The following PCDH9 variants were observed in gnomAD, a reference collection of about 807,000 sequenced individuals.
The protein encoded by PCDH9 is protocadherin-9.
PCDH9 carries 24 observed loss-of-function variants against 70.6 expected under a neutral mutation model. The observed-to-expected ratio is 0.34, with a 90% confidence interval of 0.25 to 0.48. PCDH9 has a LOEUF of 0.48. PCDH9 is among the 20% of genes least tolerant of loss of function. The pLI is 0.99. For synonymous variants in PCDH9, 562 were observed against 558.5 expected, an observed-to-expected ratio of 1.01 and a Z score of -0.09; for missense variants, 1,281 against 1,503.6, an observed-to-expected ratio of 0.85 and a Z score of 2.45.
intron 2 of PCDH9, among the ~76,000 whole-genome samples, chr13:67,176,924 A>G (rs958084056): frequency 6.6e-6 from 1 of 152,122 alleles, no homozygotes; most frequent in Non-Finnish European, 1.5e-5. Context: ...CTGTTGGGTA[A>G]GAAAGACAGT....
intron 2 of PCDH9, among the ~76,000 whole-genome samples, chr13:67,049,378 A>C (rs770826699): frequency 2.6e-5 from 4 of 152,220 alleles, no homozygotes; most frequent in Admixed American, 6.5e-5. Context: ...CTGCTATATA[A>C]TATTTCACAC....
At chr13:66,782,844 C>T (rs1226134724) in intron 3 of PCDH9, 3 of 152,220 alleles carry the variant, frequency 2.0e-5, no homozygotes, top group Admixed American at 6.6e-5. Context: ...AATAAGCTTG[C>T]TTTTCTGTCA....
intron 4 of PCDH9, among the ~76,000 whole-genome samples, chr13:66,337,171 C>T (rs1001690980): frequency 6.6e-6 from 1 of 151,662 alleles, no homozygotes; most frequent in African/African-American, 2.4e-5. Context: ...GGTATATTCC[C>T]AATATCAAAT....
intron 4 of PCDH9, among the ~76,000 whole-genome samples, chr13:66,551,512 C>T (rs967502762): frequency 2.0e-5 from 3 of 152,232 alleles, no homozygotes; most frequent in Non-Finnish European, 4.4e-5. Context: ...AAATTTAAGT[C>T]ACAGTCATGG....
At chr13:66,307,085 T>A (rs1955481672) in intron 4 of PCDH9, among the ~76,000 whole-genome samples, 1 of 152,082 alleles carries the variant, frequency 6.6e-6, no homozygotes, top group Admixed American at 6.6e-5. Flanking sequence ...CAATTCATGC[T>A]TCATATGCAC....
At chr13:66,816,670 C>T (rs1437262859) in intron 3 of PCDH9, among the ~76,000 whole-genome samples, 1 of 152,078 alleles carries the variant, frequency 6.6e-6, no homozygotes, top group African/African-American at 2.4e-5. Flanking sequence ...CACCTCTAAT[C>T]TCAGCACTTT....
At chr13:66,804,240 A>G (rs1339718535) in intron 3 of PCDH9, among the ~76,000 whole-genome samples, 4 of 152,190 alleles carry the variant, frequency 2.6e-5, no homozygotes, top group African/African-American at 9.6e-5. Context: ...ATTCAGCTGT[A>G]AACTCATCCC....
At position 66,725,914 on chromosome 13, in the gene PCDH9, T is replaced by C. The variant is rs1426226666; in HGVS notation, c.3139-94503A>G. ...CACTTTTCTACAGCCTGTAGAGTTG[T>C]AAAGTAGCCTAATATTAGGTTGGTG... On this transcript the variant is annotated intron_variant, in intron 3 of 4. Coordinates refer to ENST00000377865, the MANE Select transcript of PCDH9 (RefSeq NM_203487.3). 4.6e-5 allele frequency among the ~76,000 whole-genome samples: 7 copies of C among 152,218 alleles called. No homozygotes were observed. The East Asian group carries it at 1.2e-3, about 25-fold the overall frequency.
chr13:66,881,332 C>T (rs1438900713), intron 3 of PCDH9, among the ~76,000 whole-genome samples: 1 of 152,190 alleles, frequency 6.6e-6, no homozygotes, highest in Admixed American at 6.5e-5. Flanking sequence ...ACAATCATGG[C>T]AGAAGGCAAG....
intron 2 of PCDH9, among the ~76,000 whole-genome samples, chr13:66,910,372 TGA>T (rs1491224473): frequency 5.3e-5 from 8 of 152,078 alleles, no homozygotes; most frequent in African/African-American, 1.9e-4. Flanking sequence ...GTGAAATTAA[TGA>T]TAAGATATAT....
chr13:66,394,036 AT>A (rs1957063782), intron 4 of PCDH9, among the ~76,000 whole-genome samples: 1 of 152,142 alleles, frequency 6.6e-6, no homozygotes, highest in Admixed American at 6.5e-5. Context: ...GGAAAATACT[AT>A]TTCATTTTTT....
At chr13:66,403,067 A>G (rs944151220) in intron 4 of PCDH9, among the ~76,000 whole-genome samples, 1 of 150,524 alleles carries the variant, frequency 6.6e-6, no homozygotes, top group Non-Finnish European at 1.5e-5. Flanking sequence ...AGACAGGAGA[A>G]TTATTGGTAA....
intron 2 of PCDH9, among the ~76,000 whole-genome samples, chr13:67,046,545 T>C (rs1471333414): frequency 1.3e-5 from 2 of 152,162 alleles, no homozygotes; most frequent in Non-Finnish European, 2.9e-5. Context: ...CTTTGCTATA[T>C]GTTTTAGCGT....
At chr13:67,058,661 G>A (rs1030713668) in intron 2 of PCDH9, among the ~76,000 whole-genome samples, 1 of 152,060 alleles carries the variant, frequency 6.6e-6, no homozygotes, top group African/African-American at 2.4e-5. Flanking sequence ...GTATGCCCAT[G>A]ATCAATGTCA....
intron 3 of PCDH9, among the ~76,000 whole-genome samples, chr13:66,648,528 C>T (rs1363865255): frequency 6.6e-6 from 1 of 152,192 alleles, no homozygotes; most frequent in African/African-American, 2.4e-5. Context: ...AATGCAGATG[C>T]AGCTGCAATA....
chr13:66,710,904 T>G (rs2078784383), intron 3 of PCDH9, among the ~76,000 whole-genome samples: 1 of 152,190 alleles, frequency 6.6e-6, no homozygotes, highest in Non-Finnish European at 1.5e-5. Flanking sequence ...TTTCTTCCAC[T>G]TTTAAGGCCC....
intron 4 of PCDH9, among the ~76,000 whole-genome samples, chr13:66,341,851 G>C (rs1053164452): frequency 6.6e-6 from 1 of 152,112 alleles, no homozygotes; most frequent in Non-Finnish European, 1.5e-5. Context: ...GTCTCACTGC[G>C]CTCAAGGGAG....
chr13:66,877,569 C>T (rs1402866415), intron 3 of PCDH9, among the ~76,000 whole-genome samples: 1 of 152,070 alleles, frequency 6.6e-6, no homozygotes, highest in African/African-American at 2.4e-5. Context: ...GGAAAATGTG[C>T]CTGCATTCTG....
intron 2 of PCDH9, among the ~76,000 whole-genome samples, chr13:67,177,594 C>T (rs2088498295): frequency 6.6e-6 from 1 of 152,044 alleles, no homozygotes; most frequent in African/African-American, 2.4e-5. Flanking sequence ...AAGATACAAC[C>T]TTACAATCTT....
Sources: gnomAD v4.1 joint callset for allele counts (sites outside exome capture counted in the v4.1 genomes callset) on GRCh38, gnomAD v4.1.1 for gene constraint, MANE v1.5 for transcripts, NCBI Gene and HGNC (gene_info 2026-07-23, HGNC 2026-07-21) for gene names.